Variants in FAM47E observed in about 807,000 individuals in gnomAD.
The protein encoded by FAM47E is protein FAM47E.
Under a neutral mutation model 41.6 loss-of-function variants are expected in FAM47E, and 32 were observed. The observed-to-expected ratio is 0.77, with a 90% CI of 0.58 to 1.03. The LOEUF (loss-of-function observed/expected upper bound fraction) is 1.03. Among genes scored for constraint, FAM47E ranks in the 50% least tolerant of loss-of-function variants. The probability of loss-of-function intolerance (pLI) is 0.00; values close to 1 mark genes in which losing one functional copy is unlikely to be tolerated. For synonymous variants in FAM47E, 184 were observed against 188.7 expected, an observed-to-expected ratio of 0.98 and a Z score of 0.20; for missense variants, 424 against 485.4, an observed-to-expected ratio of 0.87 and a Z score of 1.19.
At chr4:76,235,297 G>A (rs968911035) in intron 2 of FAM47E, among the ~76,000 whole-genome samples, 3 of 152,138 alleles carry the variant, frequency 2.0e-5, no homozygotes, top group Non-Finnish European at 4.4e-5. Context: ...CAGCCTGGAC[G>A]ATAGAGCGAG....
intron 2 of FAM47E, among the ~76,000 whole-genome samples, chr4:76,241,307 C>T (rs934603626): frequency 6.6e-6 from 1 of 152,106 alleles, no homozygotes; most frequent in Admixed American, 6.6e-5. Flanking sequence ...AAAGGCTCAT[C>T]GTTTAAATCC....
chr4:76,280,352 G>A lies in FAM47E; in HGVS notation c.1104+11G>A. On this transcript the variant is annotated intron_variant, in intron 7 of 7. Transcript: ENST00000424749. ...TACAGGACGCCACGTGTGAGTAAAG[G>A]GTCCTTTCAGAAGGCCCTGCTGAGG... The A allele has an allele frequency of 1.3e-6, 2 of 1,490,220 alleles. No homozygotes were observed. Among genetic ancestry groups the A allele is most frequent in the Non-Finnish European group, 1.8e-6 (2 of 1,094,774 alleles). 92.3% of individuals were successfully genotyped at this position (1,490,220 alleles called of 1,614,324 possible).
At chr4:76,255,707 A>G (rs1734160184) in intron 1 of FAM47E, among the ~76,000 whole-genome samples, 1 of 152,152 alleles carries the variant, frequency 6.6e-6, no homozygotes, top group African/African-American at 2.4e-5. Flanking sequence ...GAGAGATGAA[A>G]TGTGGTGGCG....
chr4:76,278,204 A>T lies in FAM47E; in HGVS notation c.1006A>T (p.Lys336Ter). The change falls in exon 6 of 8, where the codon AAA becomes TAA. Residue 336 changes from lysine to a stop codon, truncating the protein, a stop_gained. Transcript: ENST00000424749. LOFTEE classifies it high-confidence loss of function. The part of the protein sequence containing the change: ...VSHKAQEENF[K>*]KELQEQEELL... ...ACATAAGGCTCAAGAGGAGAATTTT[A>T]AAAAGGAGCTGCAGGAACAGGTATG... is the stretch of plus-strand genomic sequence containing the variant. 1.9e-6 allele frequency: 3 copies of T among 1,541,366 alleles called. No individual in the cohort carries two copies. Among genetic ancestry groups the T allele is most frequent in the Non-Finnish European group, 2.6e-6 (3 of 1,144,424 alleles).
chr4:76,245,251 A>G (rs1393106035), intron 2 of FAM47E, among the ~76,000 whole-genome samples: 1 of 152,190 alleles, frequency 6.6e-6, no homozygotes, highest in Non-Finnish European at 1.5e-5. Flanking sequence ...CTAAGTGTGT[A>G]AAACTAAGAT....
chr4:76,255,316 G>A (rs957962141), intron 1 of FAM47E, among the ~76,000 whole-genome samples: 2 of 152,046 alleles, frequency 1.3e-5, no homozygotes, highest in African/African-American at 2.4e-5. Flanking sequence ...AATAATACTC[G>A]TGCCTAATTC....
intron 2 of FAM47E, among the ~76,000 whole-genome samples, chr4:76,242,570 T>G (rs1733733690): frequency 6.6e-6 from 1 of 152,252 alleles, no homozygotes; most frequent in African/African-American, 2.4e-5. Context: ...ATTCCTTGAG[T>G]GCCTCTTTGT....
At chr4:76,278,458 G>A in intron 6 of FAM47E, 1 of 428,232 alleles carries the variant, frequency 2.3e-6, no homozygotes, top group Non-Finnish European at 4.0e-6. Context: ...AGATTGGACA[G>A]CTACTCATGC....
intron 2 of FAM47E, among the ~76,000 whole-genome samples, chr4:76,233,676 T>A (rs1176331536): frequency 6.6e-6 from 1 of 151,064 alleles, no homozygotes; most frequent in Non-Finnish European, 1.5e-5. Flanking sequence ...CCGGGTGGGG[T>A]TCTTTAAGAG....
chr4:76,276,338 C>T (rs1199435633), intron 5 of FAM47E, among the ~76,000 whole-genome samples: 2 of 112,838 alleles, frequency 1.8e-5, no homozygotes, highest in African/African-American at 6.2e-5. Context: ...AAGGCAAAGA[C>T]TGTTGGGAGG....
intron 7 of FAM47E, chr4:76,281,810 C>CTCTT (rs1735357993): frequency 1.3e-5 from 2 of 152,186 alleles, no homozygotes; most frequent in Admixed American, 1.3e-4. Flanking sequence ...ACGGGGCTCT[C>CTCTT]TGTTCCCAGG....
chr4:76,241,682 A>T (rs1490811525), intron 2 of FAM47E, among the ~76,000 whole-genome samples: 2 of 152,204 alleles, frequency 1.3e-5, no homozygotes, highest in African/African-American at 4.8e-5. Context: ...TGTCAGACAG[A>T]TGCTGCTAGA....
At chr4:76,217,658 A>G in exon 2 of FAM47E, 1 of 652,572 alleles carries the variant, frequency 1.5e-6, no homozygotes. Flanking sequence ...ACCATGAGCC[A>G]AATAAACCTC....
intron 6 of FAM47E, 44 bp from the exon 7 acceptor site, chr4:76,280,219 CT>C (rs1337341280): frequency 1.7e-6 from 2 of 1,172,030 alleles, no homozygotes; most frequent in South Asian, 2.7e-5. Flanking sequence ...TGAAATCAAG[CT>C]TCTGATGGCT....
chr4:76,251,716 C>T (rs917377657), upstream of FAM47E: 37 of 1,465,150 alleles, frequency 2.5e-5, no homozygotes, highest in African/African-American at 5.5e-4. Flanking sequence ...ACCGCCCAAG[C>T]CCGGACGGTG....
intron 2 of FAM47E, among the ~76,000 whole-genome samples, chr4:76,225,817 A>G (rs1302022306): frequency 6.6e-6 from 1 of 152,044 alleles, no homozygotes; most frequent in Non-Finnish European, 1.5e-5. Flanking sequence ...TTTTGTTTCC[A>G]TGTTCATCAG....
intron 2 of FAM47E, among the ~76,000 whole-genome samples, chr4:76,240,754 C>A (rs184207716): frequency 4.6e-5 from 7 of 152,090 alleles, no homozygotes; most frequent in Admixed American, 1.3e-4. Context: ...TTTTTGGTTT[C>A]TTTTTAGGTT....
Position 76,230,449 on chromosome 4 carries a change from A to G in FAM47E, c.81+12761A>G, listed in dbSNP as rs533957672. 1.1e-3 allele frequency among the ~76,000 whole-genome samples: 172 copies of G among 152,110 alleles called. 1 individual carries two copies. The highest frequency in any genetic ancestry group is 7.5e-4 in the Non-Finnish European group (51 of 68,008). On this transcript the variant is annotated intron_variant, in intron 2 of 7. Transcript: ENST00000510197. ...CCAGGCTATAAGCTTCCCTGCTGAG[A>G]AAGCAAGCATCACTTTCAGGCCTCA...
rs1243997777 is a variant in FAM47E at position 76,278,224 on chromosome 4, G to A, written c.1026G>A (p.Gln342=). The A allele has an allele frequency of 6.5e-7, 1 of 1,533,362 alleles. No homozygotes were observed. 95.0% of individuals were successfully genotyped at this position (1,533,362 alleles called of 1,614,324 possible). A position where few individuals can be genotyped will look rare whatever the true frequency, so the allele number is the denominator to read the frequency against. The part of the protein sequence containing the change: ...EENFKKELQE[Q]EELLADLHGT... ...ATTTTAAAAAGGAGCTGCAGGAACA[G>A]GTATGTATTTATACTGAGATTTGAT... The change falls in exon 6 of 8, where the codon CAG becomes CAA. Residue 342 remains glutamine, a splice_region_variant and synonymous_variant. Coordinates refer to ENST00000424749, the MANE Select transcript of FAM47E (RefSeq NM_001136570.3).
Sources: allele counts gnomAD v4.1 joint callset (sites outside exome capture counted in the v4.1 genomes callset), GRCh38; gene constraint gnomAD v4.1.1; transcripts MANE v1.5; gene names NCBI Gene and HGNC (gene_info 2026-07-23, HGNC 2026-07-21).